RREB1: variants seen among roughly 807,000 people sequenced by gnomAD.
The protein encoded by RREB1 is ras-responsive element-binding protein 1.
In RREB1, 27 loss-of-function variants were observed where a neutral mutation model predicts 117.8. The observed-to-expected ratio is 0.23, with a 90% confidence interval of 0.17 to 0.32. RREB1 has a LOEUF of 0.32. Among genes scored for constraint, RREB1 ranks in the 10% least tolerant of loss-of-function variants. The probability of loss-of-function intolerance (pLI) is 1.00; values close to 1 mark genes in which losing one functional copy is unlikely to be tolerated. For missense variants in RREB1, 2,577 were observed against 2,378.2 expected (o/e 1.08, Z -1.74); for synonymous variants, 1,298 against 1,026.7 (o/e 1.26, Z -5.05).
At chr6:7,173,822 A>G (rs867823356) in intron 1 of RREB1, among the ~76,000 whole-genome samples, 29 of 151,552 alleles carry the variant, frequency 1.9e-4, no homozygotes, top group Admixed American at 1.6e-3. Flanking sequence ...AAGGAAAGAA[A>G]CCCTCGGGTT....
intron 8 of RREB1, chr6:7,217,715 T>A (rs1166766107): frequency 1.3e-5 from 2 of 152,144 alleles, no homozygotes; most frequent in Non-Finnish European, 2.9e-5. Flanking sequence ...CTAAATGAAA[T>A]TTTTCTTCTG....
chr6:7,186,114 G>A (rs76812991), intron 4 of RREB1, among the ~76,000 whole-genome samples: 2 of 152,348 alleles, frequency 1.3e-5, no homozygotes, highest in East Asian at 3.9e-4. Flanking sequence ...CCCGAGGATA[G>A]GAAATGACCC....
At position 7,231,924 on chromosome 6, in the gene RREB1, GCTCCC is replaced by G; in HGVS notation, c.3808+18_3808+22del. On this transcript the variant is annotated intron_variant, in intron 10 of 12. Transcript: ENST00000379938. ...CACACACTGGTAAGAGGGCCACCGG[GCTCCC>G]AGGCAGTGAGTCCTACTTCCTGGTA... is the stretch of plus-strand genomic sequence containing the variant. 1.9e-6 allele frequency: 3 copies of G among 1,564,126 alleles called. No individual in the cohort carries two copies. Among genetic ancestry groups the G allele is most frequent in the Non-Finnish European group, 1.7e-6 (2 of 1,150,558 alleles).
chr6:7,125,589 T>A (rs1761870820), intron 1 of RREB1, among the ~76,000 whole-genome samples: 1 of 152,238 alleles, frequency 6.6e-6, no homozygotes, highest in Non-Finnish European at 1.5e-5. Context: ...AATTTAGTTT[T>A]GCATTGGGTA....
At position 7,229,472 on chromosome 6, in the gene RREB1, C is replaced by T; in HGVS notation, c.1373C>T (p.Pro458Leu). The change falls in exon 10 of 13, where the codon CCC (proline) becomes CTC (leucine). Residue 458 changes from proline to leucine, a missense_variant. Transcript: ENST00000379938. This position sits in a 1 kb window ranked among gnomAD's most constrained non-coding sequence, Gnocchi z 4.5. ...IQPDSSIVVKPISGESAIELA... is the reference protein window; with the variant it reads ...IQPDSSIVVKLISGESAIELA... Reference sequence around the variant, plus strand: ...CCTGACAGCAGCATTGTGGTCAAGCCCATCTCTGGCGAGTCGGCCATCGAG... The same window carrying T: ...CCTGACAGCAGCATTGTGGTCAAGCTCATCTCTGGCGAGTCGGCCATCGAG... The T allele has an allele frequency of 6.2e-7, 1 of 1,614,204 alleles. No individual in the cohort carries two copies. Among genetic ancestry groups the T allele is most frequent in the Non-Finnish European group, 8.5e-7 (1 of 1,180,028 alleles).
intron 1 of RREB1, among the ~76,000 whole-genome samples, chr6:7,111,294 C>G (rs1761134127): frequency 6.6e-6 from 1 of 152,150 alleles, no homozygotes; most frequent in South Asian, 2.1e-4. Flanking sequence ...CTTATGCTTG[C>G]TTGCTAACAT....
At chr6:7,122,736 A>G (rs1761731866) in intron 1 of RREB1, among the ~76,000 whole-genome samples, 2 of 152,240 alleles carry the variant, frequency 1.3e-5, no homozygotes, top group Admixed American at 1.3e-4. Flanking sequence ...AAAGTACTCT[A>G]CAAACAACTT....
rs528509284 is a variant in RREB1 at position 7,204,577 on chromosome 6, A to G, written c.426-6227A>G. 1.3e-4 allele frequency among the ~76,000 whole-genome samples: 20 copies of G among 152,272 alleles called. No individual in the cohort carries two copies. The South Asian group carries it at 3.9e-3, about 30-fold the overall frequency. On this transcript the variant is annotated intron_variant, in intron 6 of 12. Transcript: ENST00000379938. ...ACCAGGTACGGATGGGGATGTCTCT[A>G]TAACCAGGCTGCTAGACCCTGTTTG...
At chr6:7,239,311 C>G (rs1037318805) in intron 10 of RREB1, among the ~76,000 whole-genome samples, 26 of 152,212 alleles carry the variant, frequency 1.7e-4, no homozygotes, top group Admixed American at 1.6e-3. Flanking sequence ...GGACCTTGGA[C>G]TCCAGCAACT....
intron 1 of RREB1, among the ~76,000 whole-genome samples, chr6:7,114,279 G>A (rs554894541): frequency 1.3e-5 from 2 of 152,188 alleles, no homozygotes; most frequent in East Asian, 1.9e-4. Flanking sequence ...ACACCACCAC[G>A]CCCAGCTAAT....
chr6:7,228,835 C>T (rs1018450049), intron 9 of RREB1, among the ~76,000 whole-genome samples, 162 bp from the exon 10 acceptor site: 6 of 151,922 alleles, frequency 3.9e-5, no homozygotes, highest in Non-Finnish European at 7.4e-5. Context: ...TGTAGAGATA[C>T]GGGATCTTGC....
chr6:7,116,059 G>A lies in RREB1; in HGVS notation c.-285+7999G>A, dbSNP rs530657049. 1.1e-4 allele frequency among the ~76,000 whole-genome samples: 16 copies of A among 152,292 alleles called. No individual in the cohort carries two copies. In the South Asian group the frequency reaches 3.3e-3, roughly 32 times the overall value. ...TTCCTGCCACCAGTTTCTCCTTACT[G>A]CAGTTCATCCTCCACTCTGCTGCCA... is the stretch of plus-strand genomic sequence containing the variant. On this transcript the variant is annotated intron_variant, in intron 1 of 12. Transcript: ENST00000379938.
intron 1 of RREB1, among the ~76,000 whole-genome samples, chr6:7,131,063 G>C (rs560205481): frequency 6.7e-6 from 1 of 148,906 alleles, no homozygotes; most frequent in African/African-American, 2.5e-5. Context: ...CTCAGCCTCC[G>C]GAGTAGGTGG....
At chr6:7,126,506 T>C (rs1040488474) in intron 1 of RREB1, among the ~76,000 whole-genome samples, 1 of 151,884 alleles carries the variant, frequency 6.6e-6, no homozygotes, top group South Asian at 2.1e-4. Flanking sequence ...TGACCTCGGG[T>C]GATCTGCCTG....
intron 6 of RREB1, among the ~76,000 whole-genome samples, chr6:7,192,874 A>G (rs1765483621): frequency 6.6e-6 from 1 of 152,220 alleles, no homozygotes; most frequent in African/African-American, 2.4e-5. Flanking sequence ...AGCAAAGTAT[A>G]AGGCTGGATT....
At chr6:7,126,054 T>C (rs960152709) in intron 1 of RREB1, among the ~76,000 whole-genome samples, 1 of 152,186 alleles carries the variant, frequency 6.6e-6, no homozygotes, top group African/African-American at 2.4e-5. Flanking sequence ...CAAGCTGGAG[T>C]GCAGTGGCAC....
At chr6:7,119,815 C>CT (rs1324297931) in intron 1 of RREB1, among the ~76,000 whole-genome samples, 1 of 152,138 alleles carries the variant, frequency 6.6e-6, no homozygotes, top group African/African-American at 2.4e-5. Flanking sequence ...TGTTTGCCTT[C>CT]TGTTTGGAAG....
In RREB1 at chr6:7,109,557, G is replaced by A. The variant is rs535770869; in HGVS notation, c.-285+1497G>A. ...CTGGGGGACGCGGGGACCCCACGGG[G>A]TGCGGGCCCGGGCCGCTTGACAGGC... On this transcript the variant is annotated intron_variant, in intron 1 of 12. Transcript: ENST00000379938. Among the ~76,000 whole-genome samples the A allele has an allele frequency of 3.9e-5, 6 of 152,296 alleles. No homozygotes were observed. The East Asian group carries it at 7.7e-4, about 20-fold the overall frequency.
Position 7,242,704 on chromosome 6 carries a change from G to GC in RREB1, c.3973+2102_3973+2103insC, listed in dbSNP as rs1554128718. Among the ~76,000 whole-genome samples, 18 of 151,220 alleles carry GC rather than the reference G, an allele frequency of 1.2e-4. No individual in the cohort carries two copies. In the East Asian group the frequency reaches 2.2e-3, roughly 18 times the overall value. Reference sequence around the variant, plus strand: ...AAGGAAGACCACTTAAAAAAAAGGGGGGGGGGGAAGGAAATGACCAAGGAG... The same window carrying GC: ...AAGGAAGACCACTTAAAAAAAAGGGGCGGGGGGGAAGGAAATGACCAAGGAG... On this transcript the variant is annotated intron_variant, in intron 11 of 12. Transcript: ENST00000379938.
Sources: gnomAD v4.1 joint callset for allele counts (sites outside exome capture counted in the v4.1 genomes callset) on GRCh38, gnomAD v4.1.1 for gene constraint, Gnocchi (gnomAD v3.1) non-coding constraint, MANE v1.5 for transcripts, NCBI Gene and HGNC (gene_info 2026-07-23, HGNC 2026-07-21) for gene names.